Variants in ITIH5 observed in about 807,000 individuals in gnomAD.
The protein encoded by ITIH5 is inter-alpha-trypsin inhibitor heavy chain 5.
A neutral mutation model predicts 77.5 loss-of-function variants in ITIH5; 65 were observed. That is an observed-to-expected ratio of 0.84 (90% CI 0.69 to 1.03). ITIH5 has a LOEUF of 1.03. Ranked by LOEUF, ITIH5 falls within the 50% of genes least tolerant of loss-of-function variation. The pLI is 0.00. For synonymous variants in ITIH5, 525 were observed against 494.3 expected, an observed-to-expected ratio of 1.06 and a Z score of -0.82; for missense variants, 1,208 against 1,213.1, an observed-to-expected ratio of 1.00 and a Z score of 0.06.
chr10:7,626,374 A>G (rs11255256), intron 5 of ITIH5, among the ~76,000 whole-genome samples: 24 of 152,232 alleles, frequency 1.6e-4, no homozygotes, highest in African/African-American at 5.5e-4. Context: ...ACAAGATAAC[A>G]TGGATTTTCA....
intron 11 of ITIH5, chr10:7,571,947 C>A: frequency 1.0e-6 from 1 of 989,252 alleles, no homozygotes; most frequent in Non-Finnish European, 1.2e-6. Context: ...GCTCATCTGA[C>A]AGTTTTCTGA....
chr10:7,583,228 T>C (rs144012751), intron 8 of ITIH5, among the ~76,000 whole-genome samples: 19 of 152,366 alleles, frequency 1.2e-4, no homozygotes, highest in African/African-American at 4.3e-4. Context: ...AAAAAGTAGA[T>C]AAGGCTATGT....
chr10:7,596,514 T>G (rs1001216163), intron 7 of ITIH5, among the ~76,000 whole-genome samples: 6 of 152,024 alleles, frequency 3.9e-5, no homozygotes, highest in Admixed American at 3.9e-4. Context: ...AACCCTAGGT[T>G]TTTGAGCATA....
At chr10:7,589,935 C>A (rs1026337637) in intron 7 of ITIH5, among the ~76,000 whole-genome samples, 1 of 137,796 alleles carries the variant, frequency 7.3e-6, no homozygotes, top group East Asian at 2.7e-4. Context: ...ACCCCCCGCC[C>A]GCTGGCCCTT....
intron 7 of ITIH5, among the ~76,000 whole-genome samples, chr10:7,601,618 TG>T (rs1419276991): frequency 6.6e-6 from 1 of 152,112 alleles, no homozygotes; most frequent in African/African-American, 2.4e-5. Context: ...CTGCATGACC[TG>T]CTTCTGGGGG....
At chr10:7,567,426 T>G (rs1161458780) in intron 12 of ITIH5, among the ~76,000 whole-genome samples, 3 of 151,404 alleles carry the variant, frequency 2.0e-5, no homozygotes, top group African/African-American at 7.3e-5. Context: ...GCCCTGTTGG[T>G]GTGCTGCACC....
At chr10:7,640,148 C>CAA (rs56939703) in intron 4 of ITIH5, among the ~76,000 whole-genome samples, 905 of 79,930 alleles carry the variant, frequency 0.011, 15 homozygotes, top group African/African-American at 0.026. Context: ...GGGGTAACTA[C>CAA]AAAAAAAAAA....
chr10:7,577,107 G>T, intron 9 of ITIH5, 95 bp from the exon 10 acceptor site: 1 of 1,084,254 alleles, frequency 9.2e-7, no homozygotes, highest in Non-Finnish European at 1.3e-6. Flanking sequence ...TCAGGGGGAT[G>T]CATCTGATTT....
chr10:7,585,011 A>G (rs182727274), intron 8 of ITIH5, among the ~76,000 whole-genome samples: 13 of 152,336 alleles, frequency 8.5e-5, no homozygotes, highest in Admixed American at 8.5e-4. Flanking sequence ...GGACTGGGAA[A>G]CCATGAATAT....
intron 3 of ITIH5, among the ~76,000 whole-genome samples, chr10:7,641,662 G>A (rs1178280724): frequency 5.5e-5 from 6 of 108,858 alleles, no homozygotes; most frequent in Non-Finnish European, 9.6e-5. Context: ...GGGAGGGAGG[G>A]AGGGAGGGAG....
At chr10:7,635,000 T>C (rs1833776846) in intron 5 of ITIH5, among the ~76,000 whole-genome samples, 1 of 152,240 alleles carries the variant, frequency 6.6e-6, no homozygotes, top group Non-Finnish European at 1.5e-5. Context: ...GTTCTTACTA[T>C]GTTGTCCAGG....
intron 7 of ITIH5, among the ~76,000 whole-genome samples, chr10:7,604,612 C>A (rs1833084775): frequency 6.6e-6 from 1 of 152,180 alleles, no homozygotes; most frequent in African/African-American, 2.4e-5. Flanking sequence ...TGACCCAAAC[C>A]TTCACACTAT....
intron 7 of ITIH5, among the ~76,000 whole-genome samples, chr10:7,594,145 T>A (rs4509657): frequency 0.99 from 151,395 of 152,354 alleles, 75,228 homozygotes; most frequent in Middle Eastern, 1. Context: ...GAGGCAGAAG[T>A]TGTGTCCTCT....
intron 1 of ITIH5, among the ~76,000 whole-genome samples, chr10:7,656,751 T>C (rs1194726787): frequency 6.7e-6 from 1 of 149,822 alleles, no homozygotes; most frequent in Non-Finnish European, 1.5e-5. Context: ...TTTTTCTTTT[T>C]TTTTTTTTTT....
At chr10:7,581,027 A>G (rs1039712597) in intron 8 of ITIH5, among the ~76,000 whole-genome samples, 6 of 152,178 alleles carry the variant, frequency 3.9e-5, no homozygotes, top group Non-Finnish European at 5.9e-5. Context: ...TGGGAGGCCA[A>G]GGTGGGTGGA....
At position 7,610,294 on chromosome 10, in the gene ITIH5, G is replaced by GTTCC. The variant is rs1279813452; in HGVS notation, c.939+5684_939+5687dup. On this transcript the variant is annotated intron_variant, in intron 7 of 13. Transcript: ENST00000397146. Reference sequence around the variant, plus strand: ...GGCAGGTCCTGGCTTCCAGGATCATGTTCCCACTGGGATTAGGACAAGAAC... The same window carrying GTTCC: ...GGCAGGTCCTGGCTTCCAGGATCATGTTCCTTCCCACTGGGATTAGGACAAGAAC... Among the ~76,000 whole-genome samples, 16 of 152,204 alleles carry GTTCC rather than the reference G, an allele frequency of 1.1e-4. No homozygotes were observed. In the East Asian group the frequency reaches 1.4e-3, roughly 13 times the overall value.
intron 12 of ITIH5, among the ~76,000 whole-genome samples, chr10:7,567,224 T>C (rs1029371010): frequency 6.6e-6 from 1 of 152,064 alleles, no homozygotes; most frequent in East Asian, 1.9e-4. Context: ...TTCGTCTGGT[T>C]TCCTTCCAGT....
At chr10:7,633,360 A>T (rs943322055) in intron 5 of ITIH5, among the ~76,000 whole-genome samples, 8 of 151,714 alleles carry the variant, frequency 5.3e-5, no homozygotes, top group Non-Finnish European at 1.2e-4. Flanking sequence ...TTACAATTCA[A>T]CAGATGTGGG....
intron 7 of ITIH5, among the ~76,000 whole-genome samples, chr10:7,615,188 A>C (rs548953114): frequency 6.0e-4 from 91 of 152,286 alleles, no homozygotes; most frequent in Non-Finnish European, 8.8e-4. Context: ...CAGAGGTTGC[A>C]TGCAGTGAGC....
Sources: gnomAD v4.1 joint callset for allele counts (sites outside exome capture counted in the v4.1 genomes callset) on GRCh38, gnomAD v4.1.1 for gene constraint, MANE v1.5 for transcripts, NCBI Gene and HGNC (gene_info 2026-07-23, HGNC 2026-07-21) for gene names.